BPTF: variants seen among roughly 807,000 people sequenced by gnomAD.
The protein encoded by BPTF is nucleosome-remodeling factor subunit BPTF.
In BPTF, 18 loss-of-function variants were observed where a neutral mutation model predicts 292.5. The ratio of observed to expected loss-of-function variants is 0.06; its 90% CI spans 0.04 to 0.09. The LOEUF is 0.09. BPTF is among the 10% of genes least tolerant of loss of function. The pLI is 1.00. For synonymous variants in BPTF, 1,225 were observed against 1,251.9 expected, an observed-to-expected ratio of 0.98 and a Z score of 0.45; for missense variants, 2,726 against 3,498.7, an observed-to-expected ratio of 0.78 and a Z score of 5.57.
intron 1 of BPTF, among the ~76,000 whole-genome samples, chr17:67,829,111 T>G (rs1245600974): frequency 7.0e-6 from 1 of 142,364 alleles, no homozygotes; most frequent in Non-Finnish European, 1.6e-5. Flanking sequence ...TGTTTTTGTT[T>G]TTTGTTGTTG....
intron 21 of BPTF, 52 bp downstream of exon 21, chr17:67,946,377 G>C: frequency 1.3e-6 from 2 of 1,576,312 alleles, no homozygotes; most frequent in Non-Finnish European, 1.7e-6. Flanking sequence ...TTATTGTGCT[G>C]TGCAGTAGAA....
chr17:67,944,439 A>G (rs1377077602), intron 20 of BPTF, 67 bp downstream of exon 20: 2 of 1,529,280 alleles, frequency 1.3e-6, no homozygotes, highest in African/African-American at 2.7e-5. Flanking sequence ...AACAGAGGCC[A>G]ACAGGAGAAC....
At chr17:67,874,747 T>G in intron 3 of BPTF, 70 bp from the exon 4 acceptor site, 2 of 1,006,158 alleles carry the variant, frequency 2.0e-6, no homozygotes, top group Non-Finnish European at 3.0e-6. Context: ...AACTCGTAAG[T>G]GACATTTGTG....
intron 14 of BPTF, among the ~76,000 whole-genome samples, chr17:67,924,303 CAG>C (rs1295475170): frequency 1.3e-5 from 2 of 152,108 alleles, no homozygotes; most frequent in African/African-American, 4.8e-5. Context: ...TTAGTAGAGA[CAG>C]GGTTTCACCA....
In BPTF at chr17:67,928,352, T is replaced by A; in HGVS notation, c.5752-3T>A. The A allele has an allele frequency of 6.3e-7, 1 of 1,597,240 alleles. No individual in the cohort carries two copies. Reference sequence around the variant, plus strand: ...TCATGTTTCCTCTCCTTCACTTTTTTAGAAACGACTGGAGCAGCAGAAGCC... The same window carrying A: ...TCATGTTTCCTCTCCTTCACTTTTTAAGAAACGACTGGAGCAGCAGAAGCC... On this transcript the variant is annotated splice_region_variant and splice_polypyrimidine_tract_variant and intron_variant, in intron 15 of 27. Transcript: ENST00000306378.
intron 3 of BPTF, among the ~76,000 whole-genome samples, chr17:67,870,808 C>T (rs926617223): frequency 6.6e-4 from 71 of 107,672 alleles, no homozygotes; most frequent in African/African-American, 2.4e-3. Flanking sequence ...CTCGCTCTGT[C>T]GCCCAGGCTG....
intron 4 of BPTF, chr17:67,886,448 G>T (rs1229480774): frequency 5.4e-6 from 3 of 557,120 alleles, no homozygotes; most frequent in Non-Finnish European, 8.8e-6. Context: ...AAAGTTTGGT[G>T]GGGGGTGGAA....
intron 12 of BPTF, 64 bp from the exon 13 acceptor site, chr17:67,919,951 T>C: frequency 6.7e-7 from 1 of 1,496,516 alleles, no homozygotes; most frequent in Middle Eastern, 1.9e-4. Context: ...AAGCACCAGA[T>C]GTACCTTTTT....
At chr17:67,950,217 T>A (rs900823632) in intron 23 of BPTF, among the ~76,000 whole-genome samples, 2 of 151,738 alleles carry the variant, frequency 1.3e-5, no homozygotes, top group South Asian at 4.2e-4. Flanking sequence ...TGCGAAATCA[T>A]GCCATTGCCC....
chr17:67,829,608 G>A (rs1020364036), intron 1 of BPTF, among the ~76,000 whole-genome samples: 1 of 152,126 alleles, frequency 6.6e-6, no homozygotes, highest in Non-Finnish European at 1.5e-5. Context: ...GTACTTCCTG[G>A]AGGAAGGCTG....
intron 15 of BPTF, among the ~76,000 whole-genome samples, chr17:67,927,413 T>C (rs1182192402): frequency 6.6e-6 from 1 of 152,248 alleles, no homozygotes; most frequent in East Asian, 1.9e-4. Flanking sequence ...TTTTAAAGAT[T>C]GTATTATACT....
chr17:67,858,618 AT>A (rs1215926706), intron 2 of BPTF, among the ~76,000 whole-genome samples: 1 of 147,290 alleles, frequency 6.8e-6, no homozygotes, highest in African/African-American at 2.7e-5. Flanking sequence ...AAATTCAGTG[AT>A]GCTGCCTGTC....
chr17:67,879,357 G>C (rs951922568), intron 4 of BPTF, among the ~76,000 whole-genome samples: 2 of 151,894 alleles, frequency 1.3e-5, no homozygotes, highest in African/African-American at 4.8e-5. Context: ...GGCCAGGCTG[G>C]TCTTGAACTC....
In BPTF at chr17:67,935,316, A is replaced by G. The variant is rs535454336; in HGVS notation, c.6259+3297A>G. ...GTGGCACATGCCTGTGGTTTCAGCC[A>G]CTTGGGAGGCTGAGGCAGGAGGATC... On this transcript the variant is annotated intron_variant, in intron 18 of 27. Transcript: ENST00000306378. Among the ~76,000 whole-genome samples, 22 of 152,208 alleles carry G rather than the reference A, an allele frequency of 1.4e-4. No homozygotes were observed. In the South Asian group the frequency reaches 4.1e-3, roughly 29 times the overall value.
At chr17:67,895,462 A>T (rs1312036137) in intron 7 of BPTF, among the ~76,000 whole-genome samples, 12 of 130,974 alleles carry the variant, frequency 9.2e-5, no homozygotes, top group East Asian at 2.4e-4. Context: ...CACCACATAC[A>T]TTTTTTTTTT....
At chr17:67,906,066 T>G (rs898757287) in intron 9 of BPTF, among the ~76,000 whole-genome samples, 1 of 151,070 alleles carries the variant, frequency 6.6e-6, no homozygotes, top group African/African-American at 2.4e-5. Context: ...AATAATGAGG[T>G]TTTTTTTGGG....
chr17:67,963,859 A>G (rs1479229277), intron 24 of BPTF, among the ~76,000 whole-genome samples: 1 of 152,222 alleles, frequency 6.6e-6, no homozygotes, highest in Non-Finnish European at 1.5e-5. Flanking sequence ...ATTTGGGTAC[A>G]AGCTCTGAGA....
At position 67,875,777 on chromosome 17, in the gene BPTF, T is replaced by TG. The variant is rs751956168; in HGVS notation, c.1864+763dup. 5.5e-6 allele frequency: 8 copies of TG among 1,449,890 alleles called. No individual in the cohort carries two copies. The African/African-American group carries it at 8.6e-5, about 16-fold the overall frequency. The allele number at this position is 1,449,890 out of a possible 1,614,324, so 89.8% of individuals were successfully genotyped here. On this transcript the variant is annotated intron_variant, in intron 4 of 27. Coordinates refer to ENST00000306378, the MANE Select transcript of BPTF (RefSeq NM_182641.4). ...GGGCAGCGTATCAATGCCTCTGTAA[T>TG]GGGGGGAATCCTTCCCTTTTGTAGT...
chr17:67,897,117 G>A (rs777676450), intron 7 of BPTF, among the ~76,000 whole-genome samples: 19 of 151,346 alleles, frequency 1.3e-4, no homozygotes, highest in Non-Finnish European at 2.1e-4. Flanking sequence ...ACCTGAGGTC[G>A]GGAATTCGAG....
Sources: allele counts gnomAD v4.1 joint callset (sites outside exome capture counted in the v4.1 genomes callset), GRCh38; gene constraint gnomAD v4.1.1; transcripts MANE v1.5; gene names NCBI Gene and HGNC (gene_info 2026-07-23, HGNC 2026-07-21).